The following RBFOX1 variants were observed in gnomAD, a reference collection of about 807,000 sequenced individuals.
RBFOX1 encodes the protein RNA binding fox-1 homolog 1, also known as RNA binding protein fox-1 homolog 1.
RBFOX1 carries 8 observed loss-of-function variants against 57.7 expected under a neutral mutation model. The observed-to-expected ratio is 0.14, with a 90% CI of 0.08 to 0.25. The LOEUF is 0.25. Ranked by LOEUF, RBFOX1 falls within the 10% of genes least tolerant of loss-of-function variation. RBFOX1 has a pLI of 1.00. For missense variants in RBFOX1, 611 were observed against 548.5 expected (o/e 1.11, Z -1.14); for synonymous variants, 326 against 222.4 (o/e 1.47, Z -4.15).
intron 1 of RBFOX1, among the ~76,000 whole-genome samples, chr16:6,064,768 T>G (rs533708977): frequency 4.2e-4 from 64 of 152,044 alleles, no homozygotes; most frequent in Non-Finnish European, 7.8e-4. Context: ...ATACACACAA[T>G]TTTCAGAAGG....
chr16:7,244,531 T>C (rs1286017165), intron 4 of RBFOX1, among the ~76,000 whole-genome samples: 3 of 152,188 alleles, frequency 2.0e-5, no homozygotes, highest in Non-Finnish European at 4.4e-5. Flanking sequence ...TCCATTAGAG[T>C]CAGAGCCAGC....
chr16:5,954,935 G>T (rs1318296893), intron 4 of RBFOX1, among the ~76,000 whole-genome samples: 4 of 151,466 alleles, frequency 2.6e-5, no homozygotes, highest in Non-Finnish European at 5.9e-5. Context: ...TTCAGTTCCT[G>T]GGTTCCTCTT....
At chr16:6,104,049 G>T (rs1372594176) in intron 1 of RBFOX1, among the ~76,000 whole-genome samples, 1 of 151,946 alleles carries the variant, frequency 6.6e-6, no homozygotes, top group Non-Finnish European at 1.5e-5. Flanking sequence ...CTGGTCCTCA[G>T]CCTAGCAGGA....
intron 2 of RBFOX1, among the ~76,000 whole-genome samples, chr16:5,595,785 A>T (rs1237955660): frequency 6.6e-6 from 1 of 152,184 alleles, no homozygotes; most frequent in African/African-American, 2.4e-5. Context: ...TAAGGAGGAA[A>T]ATAGGGACAC....
intron 4 of RBFOX1, among the ~76,000 whole-genome samples, chr16:7,377,589 A>G (rs991831225): frequency 2.0e-5 from 3 of 152,224 alleles, no homozygotes; most frequent in Non-Finnish European, 2.9e-5. Context: ...AGATTTGTCT[A>G]TGGCATTATT....
intron 4 of RBFOX1, among the ~76,000 whole-genome samples, chr16:7,509,693 T>C (rs750618702): frequency 2.1e-4 from 32 of 152,302 alleles, no homozygotes; most frequent in Non-Finnish European, 3.7e-4. Context: ...TCATGCTCTC[T>C]TGATGTACTC....
rs147177456 is a variant in RBFOX1 at position 5,979,811 on chromosome 16, G to A, written c.351+112476G>A. On this transcript the variant is annotated intron_variant, in intron 4 of 19. Transcript: ENST00000641259. ...CGGGAGGCAGAGGTTGCAGTGCGCC[G>A]AGATCGTACCACTGCGCTCCAGCCT... is the stretch of plus-strand genomic sequence containing the variant. Among the ~76,000 whole-genome samples, 780 of 152,178 alleles carry A rather than the reference G, an allele frequency of 5.1e-3. 2 individuals are homozygous for A. The highest frequency in any genetic ancestry group is 6.9e-3 in the Non-Finnish European group (468 of 67,998).
chr16:6,639,136 C>T (rs897030169), intron 2 of RBFOX1, among the ~76,000 whole-genome samples: 12 of 152,168 alleles, frequency 7.9e-5, no homozygotes, highest in African/African-American at 2.7e-4. Flanking sequence ...CAATAGGATG[C>T]ATAAGAATGA....
intron 3 of RBFOX1, among the ~76,000 whole-genome samples, chr16:5,677,895 A>G (rs1348634138): frequency 1.3e-5 from 2 of 152,196 alleles, no homozygotes; most frequent in Non-Finnish European, 2.9e-5. Flanking sequence ...TGAGGGAGGC[A>G]GGTCTTCAGG....
At chr16:6,088,618 TA>T (rs2096124013) in intron 1 of RBFOX1, among the ~76,000 whole-genome samples, 1 of 151,878 alleles carries the variant, frequency 6.6e-6, no homozygotes, top group African/African-American at 2.4e-5. Context: ...ATAAACTAGA[TA>T]GAATGGTGGA....
chr16:7,046,905 C>G (rs920226543), intron 3 of RBFOX1, among the ~76,000 whole-genome samples: 1 of 152,120 alleles, frequency 6.6e-6, no homozygotes, highest in South Asian at 2.1e-4. Context: ...TGCGCCTGGC[C>G]TATATTTTGT....
At chr16:6,865,801 C>T (rs1455992796) in intron 3 of RBFOX1, among the ~76,000 whole-genome samples, 1 of 152,058 alleles carries the variant, frequency 6.6e-6, no homozygotes, top group Non-Finnish European at 1.5e-5. Context: ...TATTAGATAA[C>T]AGTTGCACAC....
At chr16:7,156,319 G>C (rs935657438) in intron 4 of RBFOX1, among the ~76,000 whole-genome samples, 30 of 147,438 alleles carry the variant, frequency 2.0e-4, no homozygotes, top group Admixed American at 2.7e-4. Context: ...TACATATATA[G>C]ACTTGCAGCA....
intron 3 of RBFOX1, among the ~76,000 whole-genome samples, chr16:5,756,587 A>C (rs2053405302): frequency 6.6e-6 from 1 of 152,202 alleles, no homozygotes; most frequent in Non-Finnish European, 1.5e-5. Flanking sequence ...CTTCTGGAGC[A>C]ATAAAATTTA....
intron 2 of RBFOX1, among the ~76,000 whole-genome samples, chr16:6,321,038 C>G (rs2081724906): frequency 6.6e-6 from 1 of 152,182 alleles, no homozygotes; most frequent in Non-Finnish European, 1.5e-5. Flanking sequence ...AGGTGATCCT[C>G]CTACGTCGGC....
At chr16:5,378,887 C>G (rs1016299828) in intron 1 of RBFOX1, among the ~76,000 whole-genome samples, 1 of 151,526 alleles carries the variant, frequency 6.6e-6, no homozygotes, top group Non-Finnish European at 1.5e-5. Flanking sequence ...GCAGAGTAGA[C>G]TGTATACATA....
At chr16:6,974,942 TA>T (rs1469963149) in intron 3 of RBFOX1, among the ~76,000 whole-genome samples, 14 of 152,298 alleles carry the variant, frequency 9.2e-5, no homozygotes, top group Non-Finnish European at 1.5e-5. Context: ...AACACTTTTT[TA>T]AAAGGATTGT....
chr16:7,494,514 TC>T (rs1358812748), intron 4 of RBFOX1, among the ~76,000 whole-genome samples: 2 of 152,188 alleles, frequency 1.3e-5, no homozygotes, highest in Non-Finnish European at 2.9e-5. Context: ...CCAAGTCACT[TC>T]GCTTAAATAA....
chr16:5,759,744 C>G (rs964109978), intron 3 of RBFOX1, among the ~76,000 whole-genome samples: 3 of 152,172 alleles, frequency 2.0e-5, no homozygotes, highest in African/African-American at 4.8e-5. Context: ...CTTTGGCTGG[C>G]TGGCATTTTT....
Sources: allele counts gnomAD v4.1 joint callset (sites outside exome capture counted in the v4.1 genomes callset), GRCh38; gene constraint gnomAD v4.1.1; transcripts MANE v1.5; gene names NCBI Gene and HGNC (gene_info 2026-07-23, HGNC 2026-07-21).